The following UNC80 variants were observed in gnomAD, a reference collection of about 807,000 sequenced individuals.
UNC80 encodes protein unc-80 homolog.
A neutral mutation model predicts 384.6 loss-of-function variants in UNC80; 164 were observed. The observed-to-expected ratio is 0.43, with a 90% CI of 0.38 to 0.49. The LOEUF (loss-of-function observed/expected upper bound fraction) is 0.49. UNC80 is among the 20% of genes least tolerant of loss of function. The pLI, the probability that UNC80 is intolerant of heterozygous loss-of-function variation, is 0.00. For missense variants in UNC80, 3,330 were observed against 4,143.0 expected (o/e 0.80, Z 5.39); for synonymous variants, 1,486 against 1,527.8 (o/e 0.97, Z 0.64).
Position 209,945,096 on chromosome 2 carries a change from C to T in UNC80, c.7096C>T (p.Leu2366=), listed in dbSNP as rs1473359011. 1.3e-6 allele frequency: 2 copies of T among 1,551,590 alleles called. No individual in the cohort carries two copies. Among genetic ancestry groups the T allele is most frequent in the South Asian group, 2.4e-5 (2 of 84,018 alleles). Reference sequence around the variant, plus strand: ...CAGCAAAGGTGTGTCAGCTCAGTGCCTGTTTGACTTGCTGCAGTCCCTAGA... The same window carrying T: ...CAGCAAAGGTGTGTCAGCTCAGTGCTTGTTTGACTTGCTGCAGTCCCTAGA... ...GPSKGVSAQC[L]FDLLQSLEGE... The change falls in exon 46 of 65, where the codon CTG becomes TTG. Residue 2366 remains leucine, a synonymous_variant. Transcript: ENST00000673920.
At chr2:209,876,590 A>G (rs2084807117) in intron 23 of UNC80, among the ~76,000 whole-genome samples, 1 of 152,054 alleles carries the variant, frequency 6.6e-6, no homozygotes, top group Non-Finnish European at 1.5e-5. Context: ...CAATGTAGAT[A>G]TTTTTCCCTT....
At chr2:209,860,924 C>T (rs917463542) in intron 22 of UNC80, among the ~76,000 whole-genome samples, 1 of 152,210 alleles carries the variant, frequency 6.6e-6, no homozygotes, top group African/African-American at 2.4e-5. Context: ...GCTGAAATAA[C>T]TTATCAGTTT....
At chr2:209,807,370 T>A (rs1259778915) in intron 7 of UNC80, among the ~76,000 whole-genome samples, 1 of 149,720 alleles carries the variant, frequency 6.7e-6, no homozygotes, top group African/African-American at 2.5e-5. Context: ...TGTCATTTTT[T>A]TTTTTTTTTT....
chr2:209,889,121 A>T (rs1404510020), intron 26 of UNC80, among the ~76,000 whole-genome samples: 1 of 152,352 alleles, frequency 6.6e-6, no homozygotes, highest in East Asian at 1.9e-4. Flanking sequence ...ACCATGGAAT[A>T]GACCAGATAT....
At chr2:209,906,376 G>T (rs1288219045) in intron 29 of UNC80, among the ~76,000 whole-genome samples, 2 of 152,058 alleles carry the variant, frequency 1.3e-5, no homozygotes, top group Non-Finnish European at 2.9e-5. Context: ...ATCCTATGGG[G>T]TATGATCTTT....
At chr2:209,977,444 A>G (rs138755832) in intron 58 of UNC80, among the ~76,000 whole-genome samples, 1,646 of 152,304 alleles carry the variant, frequency 0.011, 7 homozygotes, top group Non-Finnish European at 0.018. Flanking sequence ...ACATTCATTT[A>G]TTGAGCTTCT....
At position 209,945,859 on chromosome 2, in the gene UNC80, G is replaced by A. The variant is rs1204121366; in HGVS notation, c.7202G>A (p.Gly2401Glu). 4 of 1,551,516 alleles carry A rather than the reference G, an allele frequency of 2.6e-6. No homozygotes were observed. Among genetic ancestry groups the A allele is most frequent in the African/African-American group, 2.7e-5 (2 of 72,966 alleles). The change falls in exon 47 of 65, where the codon GGA becomes GAA. Residue 2401 changes from glycine to glutamate, a missense_variant. Gly to Glu is a moderately conservative substitution (Grantham distance 98). Around this residue, in one of 8 missense-constraint regions of UNC80, gnomAD observed 1,049 missense variants for 1,488.6 expected, o/e 0.70. Transcript: ENST00000673920. ...KPLKSLDFCY[G>E]NEDLTFSISE... is the part of the protein sequence containing the mutation. The stretch of plus-strand genomic sequence containing the variant: ...TTTGTTCCTTCAGATTTCTGCTATG[G>A]AAACGAAGATCTGACATTTTCTATC...
At chr2:209,818,534 A>G (rs1415030381) in intron 11 of UNC80, among the ~76,000 whole-genome samples, 12 of 152,208 alleles carry the variant, frequency 7.9e-5, no homozygotes, top group Admixed American at 7.9e-4. Context: ...CAGGTATTCA[A>G]TGATATCTGT....
Position 209,896,407 on chromosome 2 carries a change from G to A in UNC80, c.4575G>A (p.Trp1525Ter). Residue 1525 changes from tryptophan (W) to a stop codon, truncating the protein, a stop_gained, in exon 28 of 65, where the codon TGG (tryptophan) becomes TGA (stop). Coordinates refer to ENST00000673920, the MANE Select transcript of UNC80 (RefSeq NM_001371986.1). LOFTEE classifies it high-confidence loss of function. ...AGAATTACCACAGAAACATGTCGTG[G>A]CTTCATGTAAGTAGGAATCTCAGAA... ...AEENYHRNMS[W>*]LHVMILLCNQ... 6.4e-7 allele frequency: 1 copy of A among 1,551,446 alleles called. No homozygotes were observed. Among genetic ancestry groups the A allele is most frequent in the Non-Finnish European group, 8.7e-7 (1 of 1,146,816 alleles).
At chr2:209,900,267 G>A (rs1414050632) in intron 28 of UNC80, among the ~76,000 whole-genome samples, 1 of 152,024 alleles carries the variant, frequency 6.6e-6, no homozygotes, top group Admixed American at 6.6e-5. Flanking sequence ...CCTGCATTGA[G>A]CAAGTCTGTT....
intron 14 of UNC80, 52 bp from the exon 15 acceptor site, chr2:209,829,180 C>T: frequency 6.5e-7 from 1 of 1,543,622 alleles, no homozygotes; most frequent in South Asian, 1.2e-5. Flanking sequence ...TACCAGTATC[C>T]ATAGCTTAAG....
intron 38 of UNC80, among the ~76,000 whole-genome samples, chr2:209,931,404 CACACACACACACAGAT>C (rs1296381226): frequency 6.6e-6 from 1 of 151,542 alleles, no homozygotes; most frequent in African/African-American, 2.4e-5. Context: ...CACACACACA[CACACACACACACAGAT>C]GCAACTGTTG....
In UNC80 at chr2:209,783,586, T is replaced by A. The variant is rs145113386; in HGVS notation, c.601-2480T>A. Among the ~76,000 whole-genome samples, 88 of 152,232 alleles carry A rather than the reference T, an allele frequency of 5.8e-4. 2 individuals are homozygous for A. The East Asian group carries it at 0.017, about 29-fold the overall frequency. On this transcript the variant is annotated intron_variant, in intron 4 of 64. Coordinates refer to ENST00000673920, the MANE Select transcript of UNC80 (RefSeq NM_001371986.1). Reference sequence around the variant, plus strand: ...CAACTTGTATTCAAGAAATATACAATCTACTTGGAGATGTATTTAGTAAAA... The same window carrying A: ...CAACTTGTATTCAAGAAATATACAAACTACTTGGAGATGTATTTAGTAAAA...
intron 4 of UNC80, among the ~76,000 whole-genome samples, chr2:209,784,352 C>A (rs2153825101): frequency 6.6e-6 from 1 of 152,254 alleles, no homozygotes; most frequent in East Asian, 1.9e-4. Context: ...TACTTGAAAC[C>A]TTCAGTGGCT....
chr2:209,964,992 T>C (rs1012651236), intron 51 of UNC80, among the ~76,000 whole-genome samples: 3 of 152,182 alleles, frequency 2.0e-5, no homozygotes, highest in African/African-American at 7.2e-5. Flanking sequence ...TTGTTAAATG[T>C]CATACTGTGT....
Position 209,773,146 on chromosome 2 carries a change from T to A in UNC80, c.141+4T>A. Reference sequence around the variant, plus strand: ...GCAATATGAAGCTTCTTGTGTGGTATGTGATTTTCACCATTTAATAATTAT... The same window carrying A: ...GCAATATGAAGCTTCTTGTGTGGTAAGTGATTTTCACCATTTAATAATTAT... On this transcript the variant is annotated splice_donor_region_variant and intron_variant, in intron 2 of 64. Coordinates refer to ENST00000673920, the MANE Select transcript of UNC80 (RefSeq NM_001371986.1). 6.2e-7 allele frequency: 1 copy of A among 1,612,948 alleles called. No individual in the cohort carries two copies. The highest frequency in any genetic ancestry group is 8.5e-7 in the Non-Finnish European group (1 of 1,179,146).
In UNC80 at chr2:209,995,837, A is replaced by G; in HGVS notation, c.*242A>G. On this transcript the variant is annotated 3_prime_UTR_variant, in exon 65 of 65. Coordinates refer to ENST00000673920, the MANE Select transcript of UNC80 (RefSeq NM_001371986.1). Reference sequence around the variant, plus strand: ...CAAAACCAGGGAGGAATAAGGGGAAAGAGCCATTTCACTGCACATTGTTTA... The same window carrying G: ...CAAAACCAGGGAGGAATAAGGGGAAGGAGCCATTTCACTGCACATTGTTTA... The G allele has an allele frequency of 2.2e-6, 1 of 458,108 alleles. No individual in the cohort carries two copies. Among genetic ancestry groups the G allele is most frequent in the Non-Finnish European group, 3.9e-6 (1 of 253,854 alleles). 28.4% of individuals were successfully genotyped at this position (458,108 alleles called of 1,614,324 possible).
intron 48 of UNC80, among the ~76,000 whole-genome samples, chr2:209,955,902 CCCCGATAATTTTTGT>C (rs1454003760): frequency 6.6e-6 from 1 of 151,074 alleles, no homozygotes; most frequent in Non-Finnish European, 1.5e-5. Context: ...CACCACCAGG[CCCCGATAATTTTTGT>C]ATTTTCAGTA....
intron 22 of UNC80, among the ~76,000 whole-genome samples, chr2:209,870,906 G>C (rs2084237536): frequency 6.6e-6 from 1 of 152,118 alleles, no homozygotes; most frequent in South Asian, 2.1e-4. Flanking sequence ...GATAGAAAAG[G>C]AGTTTCAAGG....
Sources: gnomAD v4.1 joint callset for allele counts (sites outside exome capture counted in the v4.1 genomes callset) on GRCh38, gnomAD v4.1.1 for gene constraint, gnomAD v4.1.1 regional missense constraint, MANE v1.5 for transcripts, NCBI Gene and HGNC (gene_info 2026-07-23, HGNC 2026-07-21) for gene names.